The following SGCZ variants were observed in gnomAD, a reference collection of about 807,000 sequenced individuals.
The protein encoded by SGCZ is zeta-sarcoglycan.
A neutral mutation model predicts 41.3 loss-of-function variants in SGCZ; 40 were observed. The observed-to-expected ratio is 0.97, with a 90% CI of 0.75 to 1.26. SGCZ has a LOEUF of 1.26. Ranked by LOEUF, SGCZ falls within the 50% of genes most tolerant of loss-of-function variation. SGCZ has a pLI of 0.00. For missense variants in SGCZ, 552 were observed against 369.8 expected, an observed-to-expected ratio of 1.49 and a Z score of -4.04; for synonymous variants, 206 against 137.5, an observed-to-expected ratio of 1.50 and a Z score of -3.49.
chr8:14,324,811 G>C (rs575283965), intron 2 of SGCZ, among the ~76,000 whole-genome samples: 6 of 152,196 alleles, frequency 3.9e-5, no homozygotes, highest in Admixed American at 3.3e-4. Context: ...GTGCTACTGG[G>C]AATTAAAGAA....
At chr8:14,125,579 TA>T (rs1802828120) in intron 5 of SGCZ, among the ~76,000 whole-genome samples, 1 of 151,866 alleles carries the variant, frequency 6.6e-6, no homozygotes, top group African/African-American at 2.4e-5. Context: ...GATTTAATGC[TA>T]TTTCCATCAA....
chr8:14,139,458 A>G (rs1195578320), intron 5 of SGCZ, among the ~76,000 whole-genome samples: 2 of 152,194 alleles, frequency 1.3e-5, no homozygotes, highest in Non-Finnish European at 2.9e-5. Flanking sequence ...AGACTAATAA[A>G]GAAGAAAAGA....
Position 14,454,127 on chromosome 8 carries a change from G to A in SGCZ, c.234+100605C>T, listed in dbSNP as rs78032354. Among the ~76,000 whole-genome samples, 421 of 152,260 alleles carry A rather than the reference G, an allele frequency of 2.8e-3. 18 individuals carry two copies. In the East Asian group the frequency reaches 0.066, roughly 24 times the overall value. On this transcript the variant is annotated intron_variant, in intron 2 of 7. Coordinates refer to ENST00000382080, the MANE Select transcript of SGCZ (RefSeq NM_139167.4). Reference sequence around the variant, plus strand: ...ATGGCCATTTCCTTAAACTCTGGATGGCCTTAATGCACCTTCAGATATTCT... The same window carrying A: ...ATGGCCATTTCCTTAAACTCTGGATAGCCTTAATGCACCTTCAGATATTCT...
chr8:14,344,656 G>C (rs1006243575), intron 2 of SGCZ, among the ~76,000 whole-genome samples: 1 of 152,022 alleles, frequency 6.6e-6, no homozygotes, highest in African/African-American at 2.4e-5. Flanking sequence ...ATGGTGACAT[G>C]AATATGTATG....
intron 1 of SGCZ, among the ~76,000 whole-genome samples, chr8:14,925,856 G>A (rs1282906047): frequency 7.5e-6 from 1 of 133,746 alleles, no homozygotes; most frequent in Non-Finnish European, 1.7e-5. Context: ...GGATACCTTG[G>A]GAATTTAGAA....
chr8:14,846,711 A>C lies in SGCZ; in HGVS notation c.40-291785T>G, dbSNP rs1260748103. ...CTAAAACCCTTTAAATCCAAAAAAAAAAAAAAAAAAAAAAAAAGTCAGACC... is the reference window on the plus strand; with the variant it reads ...CTAAAACCCTTTAAATCCAAAAAAACAAAAAAAAAAAAAAAAAGTCAGACC... On this transcript the variant is annotated intron_variant, in intron 1 of 7. Transcript: ENST00000382080. Among the ~76,000 whole-genome samples the C allele has an allele frequency of 7.8e-3, 584 of 74,602 alleles. 3 individuals carry two copies. The highest frequency in any genetic ancestry group is 0.015 in the Non-Finnish European group (361 of 24,720). 48.9% of individuals were successfully genotyped at this position (74,602 alleles called of 152,430 possible). A position where few individuals can be genotyped will look rare whatever the true frequency, so the allele number is the denominator to read the frequency against.
chr8:14,511,141 T>C (rs1802455285), intron 2 of SGCZ, among the ~76,000 whole-genome samples: 1 of 151,988 alleles, frequency 6.6e-6, no homozygotes, highest in Non-Finnish European at 1.5e-5. Context: ...GGACTAGTAA[T>C]TGTTTATCTT....
chr8:14,922,854 G>A (rs1799632195), intron 1 of SGCZ, among the ~76,000 whole-genome samples: 1 of 152,100 alleles, frequency 6.6e-6, no homozygotes, highest in Non-Finnish European at 1.5e-5. Flanking sequence ...AAAATCCTGG[G>A]AAATCAAGGA....
intron 4 of SGCZ, among the ~76,000 whole-genome samples, chr8:14,235,960 G>C (rs554504211): frequency 6.6e-6 from 1 of 152,314 alleles, no homozygotes; most frequent in Non-Finnish European, 1.5e-5. Context: ...TGGGATTACA[G>C]GCATGAGCTC....
At chr8:14,899,557 G>T (rs959987507) in intron 1 of SGCZ, among the ~76,000 whole-genome samples, 1 of 152,176 alleles carries the variant, frequency 6.6e-6, no homozygotes, top group African/African-American at 2.4e-5. Context: ...GAAAAGGAAT[G>T]CCCTTCACAC....
At chr8:15,103,503 AAG>A (rs1388099535) in intron 1 of SGCZ, among the ~76,000 whole-genome samples, 1 of 152,144 alleles carries the variant, frequency 6.6e-6, no homozygotes, top group Non-Finnish European at 1.5e-5. Context: ...TGGAAATAAA[AAG>A]AGAGAGTTAT....
At chr8:14,748,391 G>C (rs370067017) in intron 1 of SGCZ, among the ~76,000 whole-genome samples, 50 of 152,126 alleles carry the variant, frequency 3.3e-4, no homozygotes, top group African/African-American at 9.2e-4. Flanking sequence ...CAAACAAATA[G>C]TTTCATCCTG....
In SGCZ at chr8:14,321,222, G is replaced by A. The variant is rs73533321; in HGVS notation, c.336+2881C>T. Among the ~76,000 whole-genome samples, 319 of 152,054 alleles carry A rather than the reference G, an allele frequency of 2.1e-3. 2 individuals carry two copies. The highest frequency in any genetic ancestry group is 7.3e-3 in the African/African-American group (302 of 41,498). On this transcript the variant is annotated intron_variant, in intron 3 of 7. Coordinates refer to ENST00000382080, the MANE Select transcript of SGCZ (RefSeq NM_139167.4). ...CTTCCCTGAGAATAATGTTAATTTTGAAAAATACATTGAATTCTAAGATAT... is the reference window on the plus strand; with the variant it reads ...CTTCCCTGAGAATAATGTTAATTTTAAAAAATACATTGAATTCTAAGATAT...
chr8:14,688,842 A>G (rs2016665664), intron 1 of SGCZ, among the ~76,000 whole-genome samples: 1 of 152,164 alleles, frequency 6.6e-6, no homozygotes, highest in Non-Finnish European at 1.5e-5. Context: ...TGCAGACGAC[A>G]TGATTGTATA....
chr8:14,551,116 C>T (rs975682940), intron 2 of SGCZ, among the ~76,000 whole-genome samples: 14 of 137,594 alleles, frequency 1.0e-4, no homozygotes, highest in South Asian at 2.3e-4. Context: ...TATTGTAATT[C>T]TTTTTTTTTT....
chr8:14,226,078 G>A (rs753150261), intron 4 of SGCZ, among the ~76,000 whole-genome samples: 6 of 152,112 alleles, frequency 3.9e-5, no homozygotes, highest in Non-Finnish European at 7.4e-5. Flanking sequence ...GCTACCATGT[G>A]TCAAGCAGGG....
intron 4 of SGCZ, among the ~76,000 whole-genome samples, chr8:14,183,920 T>C (rs1039608821): frequency 2.6e-5 from 4 of 152,012 alleles, no homozygotes; most frequent in Non-Finnish European, 5.9e-5. Context: ...ACTCTCTATG[T>C]AAAAAAATTC....
At chr8:14,501,259 C>G (rs983587337) in intron 2 of SGCZ, among the ~76,000 whole-genome samples, 1 of 151,714 alleles carries the variant, frequency 6.6e-6, no homozygotes, top group African/African-American at 2.4e-5. Context: ...ATTGAGTCTA[C>G]CTGAATAATC....
At chr8:14,959,736 C>A in intron 1 of SGCZ, among the ~76,000 whole-genome samples, 1 of 152,224 alleles carries the variant, frequency 6.6e-6, no homozygotes, top group Middle Eastern at 3.4e-3. Context: ...TAATCGTTCA[C>A]GCTTTAATTC....
Sources: gnomAD v4.1 joint callset for allele counts (sites outside exome capture counted in the v4.1 genomes callset) on GRCh38, gnomAD v4.1.1 for gene constraint, MANE v1.5 for transcripts, NCBI Gene and HGNC (gene_info 2026-07-23, HGNC 2026-07-21) for gene names.